Variants in RBFOX1 observed in about 807,000 individuals in gnomAD.
The protein encoded by RBFOX1 is RNA binding fox-1 homolog 1.
RBFOX1 carries 8 observed loss-of-function variants against 57.7 expected under a neutral mutation model. That is an observed-to-expected ratio of 0.14 (90% CI 0.08 to 0.25). RBFOX1 has a LOEUF of 0.25. RBFOX1 is among the 10% of genes least tolerant of loss of function. The pLI, the probability that RBFOX1 is intolerant of heterozygous loss-of-function variation, is 1.00. For missense variants in RBFOX1, 611 were observed against 548.5 expected, an observed-to-expected ratio of 1.11 and a Z score of -1.14; for synonymous variants, 326 against 222.4, an observed-to-expected ratio of 1.47 and a Z score of -4.15.
intron 2 of RBFOX1, among the ~76,000 whole-genome samples, chr16:6,321,227 C>G (rs1324473388): frequency 6.6e-6 from 1 of 152,076 alleles, no homozygotes; most frequent in East Asian, 1.9e-4. Flanking sequence ...CATCTCATTT[C>G]TTTGTGTCCG....
chr16:5,529,657 C>A (rs1427183445), intron 2 of RBFOX1, among the ~76,000 whole-genome samples: 1 of 151,878 alleles, frequency 6.6e-6, no homozygotes, highest in African/African-American at 2.4e-5. Context: ...ATCTCCACCT[C>A]CCGGGTTTAA....
intron 2 of RBFOX1, among the ~76,000 whole-genome samples, chr16:5,468,720 G>A (rs2069032170): frequency 1.3e-5 from 2 of 152,214 alleles, no homozygotes; most frequent in Non-Finnish European, 2.9e-5. Flanking sequence ...GAAGGAAGCA[G>A]AAATCCATTC....
chr16:6,047,133 G>T (rs1393704572), intron 1 of RBFOX1, among the ~76,000 whole-genome samples: 1 of 152,178 alleles, frequency 6.6e-6, no homozygotes, highest in Non-Finnish European at 1.5e-5. Context: ...GCCTTGAGGG[G>T]CAGGAAAAAA....
intron 6 of RBFOX1, among the ~76,000 whole-genome samples, chr16:7,580,240 A>G (rs374702122): frequency 6.6e-6 from 1 of 152,218 alleles, no homozygotes; most frequent in African/African-American, 2.4e-5. Context: ...CCAATGGCCC[A>G]GGACATCATA....
At chr16:5,978,851 C>G (rs538071516) in intron 4 of RBFOX1, among the ~76,000 whole-genome samples, 47 of 152,196 alleles carry the variant, frequency 3.1e-4, no homozygotes, top group Non-Finnish European at 5.9e-4. Flanking sequence ...CATCATATAG[C>G]GAGAGCTACA....
intron 14 of RBFOX1, among the ~76,000 whole-genome samples, chr16:7,701,800 C>T (rs535168883): frequency 4.8e-4 from 73 of 152,342 alleles, no homozygotes; most frequent in Admixed American, 4.6e-3. Flanking sequence ...AAGTCCAGAA[C>T]TCAGTTGACC....
intron 3 of RBFOX1, among the ~76,000 whole-genome samples, chr16:7,026,293 C>A (rs561675584): frequency 6.6e-6 from 1 of 152,276 alleles, no homozygotes; most frequent in African/African-American, 2.4e-5. Flanking sequence ...GAGATTGCCA[C>A]CAGGCCATGT....
intron 3 of RBFOX1, among the ~76,000 whole-genome samples, chr16:5,745,769 A>G (rs2052956597): frequency 6.6e-6 from 1 of 151,988 alleles, no homozygotes; most frequent in Non-Finnish European, 1.5e-5. Flanking sequence ...CATATCCTTC[A>G]CCCACTTTTT....
At chr16:6,095,658 T>C (rs971597411) in intron 1 of RBFOX1, among the ~76,000 whole-genome samples, 3 of 152,024 alleles carry the variant, frequency 2.0e-5, no homozygotes, top group Non-Finnish European at 4.4e-5. Context: ...CGTGCTTTTT[T>C]ACCTCTGATT....
chr16:6,030,414 G>A (rs564612776), intron 1 of RBFOX1, among the ~76,000 whole-genome samples: 1 of 152,322 alleles, frequency 6.6e-6, no homozygotes, highest in South Asian at 2.1e-4. Flanking sequence ...TTCAGTCACA[G>A]TAGTAAATAG....
At chr16:7,567,608 T>TA (rs1248531138) in intron 5 of RBFOX1, among the ~76,000 whole-genome samples, 1 of 18,670 alleles carries the variant, frequency 5.4e-5, no homozygotes, top group Non-Finnish European at 2.0e-4. Context: ...TATATATCCC[T>TA]TTATATGGCC....
At position 7,268,303 on chromosome 16, in the gene RBFOX1, C is replaced by T. The variant is rs140956952; in HGVS notation, c.27+216205C>T. Reference sequence around the variant, plus strand: ...AATATTTTGGGTGCTATTCAGGGAACGGACAGTAGGGGGCAAAAGTGGAAG... The same window carrying T: ...AATATTTTGGGTGCTATTCAGGGAATGGACAGTAGGGGGCAAAAGTGGAAG... On this transcript the variant is annotated intron_variant, in intron 4 of 15. Transcript: ENST00000550418. 3.5e-3 allele frequency among the ~76,000 whole-genome samples: 539 copies of T among 152,262 alleles called. 1 individual carries two copies. Among genetic ancestry groups the T allele is most frequent in the Middle Eastern group, 0.02 (6 of 294 alleles).
At chr16:6,448,029 G>C (rs2094519554) in intron 2 of RBFOX1, among the ~76,000 whole-genome samples, 1 of 151,822 alleles carries the variant, frequency 6.6e-6, no homozygotes, top group African/African-American at 2.4e-5. Flanking sequence ...AGAGTGTTGA[G>C]TTCTGGTTGC....
At chr16:7,312,613 G>T (rs1215986873) in intron 4 of RBFOX1, among the ~76,000 whole-genome samples, 1 of 152,114 alleles carries the variant, frequency 6.6e-6, no homozygotes, top group Non-Finnish European at 1.5e-5. Context: ...CCAGTGAGCT[G>T]TCATTCCTGC....
intron 11 of RBFOX1, 26 bp from the exon 12 acceptor site, chr16:7,653,783 GCTCTCT>G (rs3217052): frequency 7.9e-5 from 120 of 1,511,738 alleles, no homozygotes; most frequent in Middle Eastern, 3.5e-4. Context: ...GACAGCCTGT[GCTCTCT>G]CTCTCTCTCT....
chr16:6,865,636 A>G (rs557031862), intron 3 of RBFOX1, among the ~76,000 whole-genome samples: 1 of 152,210 alleles, frequency 6.6e-6, no homozygotes, highest in South Asian at 2.1e-4. Flanking sequence ...ACTGAGATGT[A>G]TTCTTCATGA....
At chr16:5,723,679 A>G (rs2052023155) in intron 3 of RBFOX1, among the ~76,000 whole-genome samples, 1 of 152,020 alleles carries the variant, frequency 6.6e-6, no homozygotes, top group African/African-American at 2.4e-5. Flanking sequence ...GCCCACAGGA[A>G]TCTGTGGATT....
At chr16:7,464,260 T>G (rs905865468) in intron 4 of RBFOX1, among the ~76,000 whole-genome samples, 1 of 152,164 alleles carries the variant, frequency 6.6e-6, no homozygotes, top group Non-Finnish European at 1.5e-5. Flanking sequence ...GTGGACAGTT[T>G]AGCCATTGGA....
chr16:7,115,700 G>A (rs2065756897), intron 4 of RBFOX1, among the ~76,000 whole-genome samples: 2 of 152,188 alleles, frequency 1.3e-5, no homozygotes, highest in South Asian at 4.1e-4. Context: ...AGAGAATCCA[G>A]TCGCTTTTAT....
Sources: allele counts gnomAD v4.1 joint callset (sites outside exome capture counted in the v4.1 genomes callset), GRCh38; gene constraint gnomAD v4.1.1; transcripts MANE v1.5; gene names NCBI Gene and HGNC (gene_info 2026-07-23, HGNC 2026-07-21).